HDAC9: variants seen among roughly 807,000 people sequenced by gnomAD.
The protein encoded by HDAC9 is MEF-2 interacting transcription repressor (MITR) protein.
In HDAC9, 41 loss-of-function variants were observed where a neutral mutation model predicts 139.4. The ratio of observed to expected loss-of-function variants is 0.29; its 90% CI spans 0.23 to 0.38. The LOEUF (loss-of-function observed/expected upper bound fraction) is 0.38, where lower values mean the gene tolerates loss of function less well. HDAC9 is among the 10% of genes least tolerant of loss of function. The pLI is 1.00. For synonymous variants in HDAC9, 517 were observed against 476.2 expected, an observed-to-expected ratio of 1.09 and a Z score of -1.12; for missense variants, 1,147 against 1,297.0, an observed-to-expected ratio of 0.88 and a Z score of 1.78.
intron 22 of HDAC9, among the ~76,000 whole-genome samples, chr7:18,922,080 G>A (rs1585316458): frequency 7.8e-6 from 1 of 128,372 alleles, no homozygotes; most frequent in Non-Finnish European, 1.6e-5. Context: ...GCCTGTTGTG[G>A]GGTGGGGGGA....
At chr7:18,173,480 T>A (rs1489001098) in intron 2 of HDAC9, among the ~76,000 whole-genome samples, 3 of 152,214 alleles carry the variant, frequency 2.0e-5, no homozygotes, top group African/African-American at 7.2e-5. Context: ...TATGTGTGTA[T>A]TTGATCCTGT....
At chr7:18,597,177 A>C (rs1234738781) in intron 6 of HDAC9, among the ~76,000 whole-genome samples, 1 of 152,204 alleles carries the variant, frequency 6.6e-6, no homozygotes, top group African/African-American at 2.4e-5. Context: ...GGCTCTAATC[A>C]TGCCCATTCC....
intron 1 of HDAC9, among the ~76,000 whole-genome samples, chr7:18,299,188 G>A (rs1023269467): frequency 4.0e-5 from 6 of 150,822 alleles, no homozygotes; most frequent in African/African-American, 1.5e-4. Flanking sequence ...ATTTTAAAAA[G>A]TGATTAGCAC....
chr7:18,639,881 G>A (rs887715928), intron 8 of HDAC9, among the ~76,000 whole-genome samples: 11 of 151,912 alleles, frequency 7.2e-5, no homozygotes, highest in African/African-American at 2.2e-4. Flanking sequence ...TGAAGTCCAG[G>A]GAAGTTGGGT....
chr7:18,155,165 G>A (rs1277853350), intron 1 of HDAC9, among the ~76,000 whole-genome samples: 1 of 150,554 alleles, frequency 6.6e-6, no homozygotes, highest in East Asian at 1.9e-4. Context: ...TCTGGGCATT[G>A]TGAGTCTCCT....
intron 1 of HDAC9, among the ~76,000 whole-genome samples, chr7:18,117,498 A>T (rs1365150322): frequency 9.0e-5 from 13 of 143,762 alleles, no homozygotes; most frequent in East Asian, 4.3e-4. Flanking sequence ...AAAATAAAAT[A>T]AAAAATTAAA....
At chr7:18,810,349 A>C (rs910964237) in intron 17 of HDAC9, among the ~76,000 whole-genome samples, 8 of 151,930 alleles carry the variant, frequency 5.3e-5, no homozygotes, top group South Asian at 2.1e-4. Context: ...TTGCTATTTA[A>C]GGTAACATTC....
At chr7:18,566,640 T>C (rs1262288575) in intron 2 of HDAC9, among the ~76,000 whole-genome samples, 2 of 152,220 alleles carry the variant, frequency 1.3e-5, no homozygotes, top group Non-Finnish European at 2.9e-5. Flanking sequence ...TCCATAGACG[T>C]GGACTAATCA....
Position 18,126,051 on chromosome 7 carries a change from A to G in HDAC9, c.-96-36178A>G, listed in dbSNP as rs1209457529. The stretch of plus-strand genomic sequence containing the variant: ...GAAATCTGGTTCCATTAAATTTTGT[A>G]TGAGAAATTCTTTCCTATTTATATA... On this transcript the variant is annotated intron_variant, in intron 1 of 12. Coordinates refer to the HDAC9 transcript ENST00000417496. Among the ~76,000 whole-genome samples, 3 of 152,166 alleles carry G rather than the reference A, an allele frequency of 2.0e-5. No homozygotes were observed. The East Asian group carries it at 5.8e-4, about 29-fold the overall frequency.
At chr7:18,601,353 C>A (rs1833890825) in intron 6 of HDAC9, among the ~76,000 whole-genome samples, 1 of 152,078 alleles carries the variant, frequency 6.6e-6, no homozygotes, top group Non-Finnish European at 1.5e-5. Context: ...TTATTCATTG[C>A]CAGAGTTGTT....
At chr7:18,704,189 A>G (rs1783711682) in intron 12 of HDAC9, among the ~76,000 whole-genome samples, 1 of 152,074 alleles carries the variant, frequency 6.6e-6, no homozygotes, top group Admixed American at 6.5e-5. Context: ...ACATAGCCTT[A>G]GCCAGATTTA....
intron 2 of HDAC9, among the ~76,000 whole-genome samples, chr7:18,556,374 C>G (rs1818806844): frequency 6.6e-6 from 1 of 152,024 alleles, no homozygotes; most frequent in Non-Finnish European, 1.5e-5. Context: ...ATCCATTGAG[C>G]AAGGGCTTGG....
intron 17 of HDAC9, among the ~76,000 whole-genome samples, chr7:18,820,220 C>G (rs1348939817): frequency 6.6e-6 from 1 of 152,076 alleles, no homozygotes; most frequent in Non-Finnish European, 1.5e-5. Context: ...AGTAGATTTT[C>G]AAGTCCTTTG....
At chr7:18,824,781 T>C (rs1795286460) in intron 17 of HDAC9, among the ~76,000 whole-genome samples, 1 of 152,188 alleles carries the variant, frequency 6.6e-6, no homozygotes, top group Non-Finnish European at 1.5e-5. Context: ...ACTCACAAAG[T>C]GAGCTCTGGT....
intron 22 of HDAC9, among the ~76,000 whole-genome samples, chr7:18,887,101 G>C (rs577841699): frequency 6.6e-6 from 1 of 152,274 alleles, no homozygotes; most frequent in African/African-American, 2.4e-5. Flanking sequence ...GGAAATCTTG[G>C]GGAATGGACG....
intron 1 of HDAC9, among the ~76,000 whole-genome samples, chr7:18,444,341 GAAAA>G (rs754142568): frequency 6.8e-4 from 24 of 35,164 alleles, no homozygotes; most frequent in East Asian, 5.4e-3. Context: ...GACCCTGTCT[GAAAA>G]AAAAAAAAAA....
intron 1 of HDAC9, among the ~76,000 whole-genome samples, chr7:18,464,455 A>G (rs1794100305): frequency 6.6e-6 from 1 of 151,980 alleles, no homozygotes; most frequent in African/African-American, 2.4e-5. Context: ...ATTGGATAGC[A>G]CATTATTTGT....
intron 12 of HDAC9, among the ~76,000 whole-genome samples, chr7:18,693,255 G>A (rs780729333): frequency 3.9e-5 from 6 of 151,932 alleles, no homozygotes; most frequent in Admixed American, 3.3e-4. Flanking sequence ...AACAAAAATA[G>A]CATTATTTCT....
chr7:18,246,195 G>A (rs1794513038), intron 2 of HDAC9, among the ~76,000 whole-genome samples: 1 of 149,800 alleles, frequency 6.7e-6, no homozygotes, highest in Non-Finnish European at 1.5e-5. Flanking sequence ...GTAAGGAGCA[G>A]TTTGCATTAT....
Sources: gnomAD v4.1 joint callset for allele counts (sites outside exome capture counted in the v4.1 genomes callset) on GRCh38, gnomAD v4.1.1 for gene constraint, MANE v1.5 for transcripts, NCBI Gene and HGNC (gene_info 2026-07-23, HGNC 2026-07-21) for gene names.